Variants in NBEAL1 observed in about 807,000 individuals in gnomAD.
The protein encoded by NBEAL1 is neurobeachin-like protein 1.
In NBEAL1, 273 loss-of-function variants were observed where a neutral mutation model predicts 351.3. That is an observed-to-expected ratio of 0.78 (90% CI 0.70 to 0.86). The LOEUF (loss-of-function observed/expected upper bound fraction) is 0.86, where lower values mean the gene tolerates loss of function less well. Ranked by LOEUF, NBEAL1 falls within the 40% of genes least tolerant of loss-of-function variation. NBEAL1 has a pLI of 0.00. For missense variants in NBEAL1, 2,961 were observed against 3,201.3 expected, an observed-to-expected ratio of 0.92 and a Z score of 1.81; for synonymous variants, 1,050 against 1,086.4, an observed-to-expected ratio of 0.97 and a Z score of 0.66.
intron 33 of NBEAL1, 27 bp downstream of exon 33, chr2:203,145,187 G>C: frequency 2.5e-6 from 4 of 1,580,216 alleles, no homozygotes; most frequent in Non-Finnish European, 3.4e-6. Flanking sequence ...TTAATATCTA[G>C]TTTTTCTTGT....
At chr2:203,065,984 A>T (rs1052191107) in intron 6 of NBEAL1, among the ~76,000 whole-genome samples, 1 of 152,218 alleles carries the variant, frequency 6.6e-6, no homozygotes, top group African/African-American at 2.4e-5. Flanking sequence ...TATTGAAAAC[A>T]TGCAGTACAA....
chr2:203,179,928 C>T (rs926973105), intron 42 of NBEAL1, among the ~76,000 whole-genome samples: 1 of 152,030 alleles, frequency 6.6e-6, no homozygotes, highest in African/African-American at 2.4e-5. Flanking sequence ...TGTGTGCCAC[C>T]ACGCCTGGCT....
chr2:203,222,759 A>T lies in NBEAL1; in HGVS notation c.*5405A>T, dbSNP rs889977333. ...TGCTAAATTTAAAACATAAAAGTAG[A>T]TCTCTTAGAGCCTTGAAGCTTGTAA... On this transcript the variant is annotated 3_prime_UTR_variant, in exon 56 of 56. Coordinates refer to ENST00000683969, the MANE Select transcript of NBEAL1 (RefSeq NM_001378026.1). Among the ~76,000 whole-genome samples, 1 of 152,212 alleles carries T rather than the reference A, an allele frequency of 6.6e-6. No individual in the cohort carries two copies. The highest frequency in any genetic ancestry group is 1.5e-5 in the Non-Finnish European group (1 of 68,026).
chr2:203,194,916 G>A (rs2065194547), intron 47 of NBEAL1, among the ~76,000 whole-genome samples: 2 of 152,008 alleles, frequency 1.3e-5, no homozygotes, highest in Non-Finnish European at 2.9e-5. Context: ...TTAAAGCTTT[G>A]GCCGGGCGCA....
chr2:203,197,235 G>T, intron 47 of NBEAL1, 67 bp from the exon 48 acceptor site: 1 of 845,546 alleles, frequency 1.2e-6, no homozygotes, highest in Non-Finnish European at 2.0e-6. Context: ...TTAAAGAGAC[G>T]GTTTTCAGTA....
chr2:203,207,018 G>C (rs1014640028), intron 51 of NBEAL1, among the ~76,000 whole-genome samples: 16 of 151,150 alleles, frequency 1.1e-4, no homozygotes, highest in Non-Finnish European at 1.5e-4. Context: ...AGTGAGGAGC[G>C]TCTCTGTCCG....
At chr2:203,196,696 T>A (rs186975131) in intron 47 of NBEAL1, among the ~76,000 whole-genome samples, 20 of 152,344 alleles carry the variant, frequency 1.3e-4, no homozygotes, top group African/African-American at 3.8e-4. Context: ...CCCAATAATG[T>A]TATCATTTAC....
intron 45 of NBEAL1, 22 bp downstream of exon 45, chr2:203,188,611 C>G (rs369286244): frequency 1.5e-6 from 2 of 1,366,112 alleles, no homozygotes; most frequent in African/African-American, 2.9e-5. Context: ...TACACTTTTT[C>G]TCTTGCTTTA....
intron 12 of NBEAL1, among the ~76,000 whole-genome samples, chr2:203,103,391 C>T (rs2062368647): frequency 6.6e-6 from 1 of 151,972 alleles, no homozygotes; most frequent in Non-Finnish European, 1.5e-5. Flanking sequence ...CTCCTGCCAG[C>T]CTCCTGAGTA....
At chr2:203,128,090 CTT>C (rs113089010) in intron 24 of NBEAL1, among the ~76,000 whole-genome samples, 153 bp downstream of exon 24, 4 of 144,904 alleles carry the variant, frequency 2.8e-5, no homozygotes, top group Non-Finnish European at 1.5e-5. Flanking sequence ...TAAATTTTAT[CTT>C]TTTTTTTTTT....
intron 24 of NBEAL1, 126 bp from the exon 25 acceptor site, chr2:203,130,192 A>T: frequency 1.1e-6 from 1 of 900,256 alleles, no homozygotes; most frequent in Non-Finnish European, 1.6e-6. Flanking sequence ...ACATCATATC[A>T]GATATAGTGA....
intron 2 of NBEAL1, among the ~76,000 whole-genome samples, chr2:203,021,213 C>G (rs540446785): frequency 1.2e-4 from 19 of 152,068 alleles, no homozygotes; most frequent in Admixed American, 5.2e-4. Context: ...AACTCCTGAC[C>G]TCAGGCGATC....
At chr2:203,174,748 G>C (rs1394602285) in intron 41 of NBEAL1, among the ~76,000 whole-genome samples, 2 of 151,828 alleles carry the variant, frequency 1.3e-5, no homozygotes, top group Non-Finnish European at 2.9e-5. Flanking sequence ...AAAATTAGCT[G>C]GGCGTGGTGG....
At chr2:203,198,982 G>T (rs1400151754) in intron 48 of NBEAL1, among the ~76,000 whole-genome samples, 5 of 151,936 alleles carry the variant, frequency 3.3e-5, no homozygotes, top group Non-Finnish European at 7.4e-5. Context: ...AAGCCCGGGA[G>T]TTGGAGACTA....
intron 25 of NBEAL1, 31 bp from the exon 26 acceptor site, chr2:203,131,942 A>G (rs1203283119): frequency 4.2e-6 from 6 of 1,437,080 alleles, no homozygotes; most frequent in African/African-American, 1.4e-5. Flanking sequence ...TTAATTTTCT[A>G]TATTGAGAAT....
chr2:203,086,944 A>G (rs1039016040), intron 10 of NBEAL1, among the ~76,000 whole-genome samples: 1 of 152,080 alleles, frequency 6.6e-6, no homozygotes, highest in Non-Finnish European at 1.5e-5. Context: ...CATCTCCCAC[A>G]TCTGCTTATG....
At chr2:203,185,254 T>C (rs1251457180) in intron 44 of NBEAL1, among the ~76,000 whole-genome samples, 3 of 152,210 alleles carry the variant, frequency 2.0e-5, no homozygotes, top group Non-Finnish European at 4.4e-5. Flanking sequence ...CTGAATTTTG[T>C]TAGGTTTTGG....
At chr2:203,201,352 T>G (rs2065393789) in intron 49 of NBEAL1, among the ~76,000 whole-genome samples, 191 bp from the exon 50 acceptor site, 1 of 152,254 alleles carries the variant, frequency 6.6e-6, no homozygotes, top group South Asian at 2.1e-4. Flanking sequence ...GTTATGTATA[T>G]TCTTAATTTA....
At chr2:203,194,801 C>T (rs1482000947) in intron 47 of NBEAL1, among the ~76,000 whole-genome samples, 2 of 152,128 alleles carry the variant, frequency 1.3e-5, no homozygotes, top group African/African-American at 2.4e-5. Context: ...ATTGCAATAT[C>T]ACTGCAGCGT....
Sources: gnomAD v4.1 joint callset for allele counts (sites outside exome capture counted in the v4.1 genomes callset) on GRCh38, gnomAD v4.1.1 for gene constraint, MANE v1.5 for transcripts, NCBI Gene and HGNC (gene_info 2026-07-23, HGNC 2026-07-21) for gene names.